GALNTL6: variants seen among roughly 807,000 people sequenced by gnomAD.
GALNTL6 encodes the protein polypeptide N-acetylgalactosaminyltransferase like 6, also known as polypeptide N-acetylgalactosaminyltransferase-like 6.
Under a neutral mutation model 73.7 loss-of-function variants are expected in GALNTL6, and 46 were observed. The observed-to-expected ratio is 0.62, with a 90% confidence interval of 0.49 to 0.80. GALNTL6 has a LOEUF of 0.80. GALNTL6 is among the 30% of genes least tolerant of loss of function. The probability of loss-of-function intolerance (pLI) is 0.00; values close to 1 mark genes in which losing one functional copy is unlikely to be tolerated. For synonymous variants in GALNTL6, 259 were observed against 263.7 expected, an observed-to-expected ratio of 0.98 and a Z score of 0.17; for missense variants, 604 against 755.0, an observed-to-expected ratio of 0.80 and a Z score of 2.34.
intron 2 of GALNTL6, among the ~76,000 whole-genome samples, chr4:172,086,891 T>G (rs1017903454): frequency 6.6e-6 from 1 of 152,156 alleles, no homozygotes; most frequent in African/African-American, 2.4e-5. Context: ...ATTCGGAAAT[T>G]TTACTTCTTA....
intron 2 of GALNTL6, among the ~76,000 whole-genome samples, chr4:171,881,561 T>G (rs1237157724): frequency 6.6e-6 from 1 of 152,190 alleles, no homozygotes; most frequent in African/African-American, 2.4e-5. Context: ...GTTGTCTCTT[T>G]TGGCAACACC....
At chr4:172,744,711 G>A (rs1329620584) in intron 5 of GALNTL6, among the ~76,000 whole-genome samples, 2 of 151,986 alleles carry the variant, frequency 1.3e-5, no homozygotes, top group Admixed American at 1.3e-4. Context: ...CTCTCTCGTG[G>A]TGAAAGACTT....
chr4:172,234,759 A>G (rs1246032250), intron 3 of GALNTL6, among the ~76,000 whole-genome samples: 4 of 152,058 alleles, frequency 2.6e-5, no homozygotes, highest in African/African-American at 9.7e-5. Flanking sequence ...CAAATTTTCT[A>G]TTCTTATCAA....
chr4:171,964,086 G>A (rs1053889365), intron 2 of GALNTL6, among the ~76,000 whole-genome samples: 4 of 152,106 alleles, frequency 2.6e-5, no homozygotes, highest in African/African-American at 9.7e-5. Context: ...GGTGTCACTT[G>A]ATTCTTTTCT....
rs1579784162 is a variant in GALNTL6, at chr4:173,015,633, G to C, written c.1489-5843G>C. Among the ~76,000 whole-genome samples the C allele has an allele frequency of 2.0e-5, 3 of 152,302 alleles. No individual in the cohort carries two copies. The Middle Eastern group carries it at 0.01, about 518-fold the overall frequency. ...GAGATCTGTGGAACTTTGAACTTGA[G>C]AGTGATGATTTAGGGTATGTGGCAG... is the stretch of plus-strand genomic sequence containing the variant. On this transcript the variant is annotated intron_variant, in intron 11 of 12. Transcript: ENST00000506823.
intron 4 of GALNTL6, among the ~76,000 whole-genome samples, chr4:172,325,924 T>G (rs1188620456): frequency 2.6e-5 from 4 of 151,818 alleles, no homozygotes; most frequent in Non-Finnish European, 5.9e-5. Flanking sequence ...TCTTCTCATG[T>G]GCACTATGAA....
At chr4:172,690,760 TTAAC>T (rs1430025680) in intron 5 of GALNTL6, among the ~76,000 whole-genome samples, 2 of 152,208 alleles carry the variant, frequency 1.3e-5, no homozygotes, top group Non-Finnish European at 2.9e-5. Context: ...ACCTGAAAAT[TTAAC>T]TAACCAAACC....
At chr4:172,764,395 A>G (rs1738288304) in intron 5 of GALNTL6, among the ~76,000 whole-genome samples, 1 of 152,192 alleles carries the variant, frequency 6.6e-6, no homozygotes, top group Admixed American at 6.5e-5. Flanking sequence ...GCCTTTGTCT[A>G]ATAATTTTCA....
At chr4:172,791,873 A>G (rs1740012182) in intron 5 of GALNTL6, among the ~76,000 whole-genome samples, 1 of 152,242 alleles carries the variant, frequency 6.6e-6, no homozygotes, top group Non-Finnish European at 1.5e-5. Context: ...CCAGCAAAAG[A>G]AAGTAAAAAG....
At chr4:172,825,658 T>C (rs1207655473) in intron 7 of GALNTL6, among the ~76,000 whole-genome samples, 1 of 151,830 alleles carries the variant, frequency 6.6e-6, no homozygotes, top group East Asian at 1.9e-4. Context: ...AGCAAAGTGG[T>C]GGATAAGGTA....
At chr4:172,302,748 C>A (rs576279808) in intron 3 of GALNTL6, among the ~76,000 whole-genome samples, 1 of 151,946 alleles carries the variant, frequency 6.6e-6, no homozygotes, top group Non-Finnish European at 1.5e-5. Context: ...GAGTTTTCAA[C>A]TTTTAAAAAT....
intron 5 of GALNTL6, among the ~76,000 whole-genome samples, chr4:172,747,276 G>T (rs1033471387): frequency 1.3e-5 from 2 of 151,944 alleles, no homozygotes; most frequent in African/African-American, 4.8e-5. Context: ...TGGATAAGGG[G>T]TTATTATTCA....
At chr4:173,022,471 C>T (rs973742672) in intron 12 of GALNTL6, among the ~76,000 whole-genome samples, 2 of 152,188 alleles carry the variant, frequency 1.3e-5, no homozygotes, top group African/African-American at 4.8e-5. Context: ...TAAGCAAAAC[C>T]ACGCATACAT....
intron 2 of GALNTL6, among the ~76,000 whole-genome samples, chr4:171,829,461 C>T (rs1734908795): frequency 1.3e-5 from 2 of 152,074 alleles, no homozygotes; most frequent in Admixed American, 6.6e-5. Context: ...TTGATATGCA[C>T]CCACATCCAA....
Position 172,381,288 on chromosome 4 carries a change from GA to G in GALNTL6, c.553+32602del, listed in dbSNP as rs555534383. Among the ~76,000 whole-genome samples, 14 of 152,278 alleles carry G rather than the reference GA, an allele frequency of 9.2e-5. No homozygotes were observed. The East Asian group carries it at 2.5e-3, about 27-fold the overall frequency. The stretch of plus-strand genomic sequence containing the variant: ...TATTGGTATATAATTCACCTAGCAT[GA>G]AATTGACCATATTAAAGTGTACAAT... On this transcript the variant is annotated intron_variant, in intron 5 of 12. Coordinates refer to ENST00000506823, the MANE Select transcript of GALNTL6 (RefSeq NM_001034845.3).
intron 2 of GALNTL6, among the ~76,000 whole-genome samples, chr4:172,194,085 C>G (rs545344369): frequency 6.6e-6 from 1 of 152,190 alleles, no homozygotes; most frequent in African/African-American, 2.4e-5. Context: ...AAGCTAAGAA[C>G]CATGATAAAA....
intron 2 of GALNTL6, among the ~76,000 whole-genome samples, chr4:171,837,522 A>C (rs1450190342): frequency 1.4e-5 from 2 of 146,520 alleles, no homozygotes; most frequent in African/African-American, 5.1e-5. Flanking sequence ...CTTGTTAGCA[A>C]CTTCATACTA....
At chr4:172,891,546 C>T (rs1273907780) in intron 8 of GALNTL6, among the ~76,000 whole-genome samples, 1 of 152,114 alleles carries the variant, frequency 6.6e-6, no homozygotes, top group Admixed American at 6.5e-5. Context: ...TGACATAACC[C>T]TTTACTCTAG....
chr4:172,101,163 A>G (rs963043220), intron 2 of GALNTL6, among the ~76,000 whole-genome samples: 3 of 151,496 alleles, frequency 2.0e-5, no homozygotes, highest in Non-Finnish European at 4.4e-5. Context: ...TTTTCTCCAC[A>G]CTCTTCCCAC....
Sources: allele counts gnomAD v4.1 joint callset (sites outside exome capture counted in the v4.1 genomes callset), GRCh38; gene constraint gnomAD v4.1.1; transcripts MANE v1.5; gene names NCBI Gene and HGNC (gene_info 2026-07-23, HGNC 2026-07-21).